DGKI: variants seen among roughly 807,000 people sequenced by gnomAD.
The protein encoded by DGKI is DAG kinase iota.
In DGKI, 55 loss-of-function variants were observed where a neutral mutation model predicts 147.5. The observed-to-expected ratio is 0.37, with a 90% CI of 0.30 to 0.47. The LOEUF (loss-of-function observed/expected upper bound fraction) is 0.47. DGKI is among the 20% of genes least tolerant of loss of function. The pLI, the probability that DGKI is intolerant of heterozygous loss-of-function variation, is 1.00. For synonymous variants in DGKI, 469 were observed against 477.1 expected (o/e 0.98, Z 0.22); for missense variants, 1,007 against 1,323.8 (o/e 0.76, Z 3.71).
At chr7:137,695,629 G>T (rs1184602240) in intron 1 of DGKI, among the ~76,000 whole-genome samples, 3 of 152,122 alleles carry the variant, frequency 2.0e-5, no homozygotes, top group Non-Finnish European at 4.4e-5. Context: ...TTGAATGGAG[G>T]CATCTAACTC....
At chr7:137,645,244 C>A (rs1025378612) in intron 6 of DGKI, among the ~76,000 whole-genome samples, 1 of 152,240 alleles carries the variant, frequency 6.6e-6, no homozygotes, top group African/African-American at 2.4e-5. Flanking sequence ...TGTAAGAATG[C>A]ATCCAGGTAT....
chr7:137,504,501 G>T (rs1245363872), intron 21 of DGKI, among the ~76,000 whole-genome samples: 2 of 152,038 alleles, frequency 1.3e-5, no homozygotes. Flanking sequence ...CTTCTGAAAA[G>T]AACAATAAAT....
At chr7:137,767,123 G>A (rs935873165) in intron 1 of DGKI, among the ~76,000 whole-genome samples, 4 of 152,094 alleles carry the variant, frequency 2.6e-5, no homozygotes, top group Admixed American at 6.6e-5. Context: ...GGCCACCCAC[G>A]GAAGTTATCC....
rs893696164 is a variant in DGKI at position 137,700,906 on chromosome 7, T to C, written c.402-10904A>G. ...ATAAATAAATAAATAAATAAATAAATAAATAAATAAATAAATAAAATAAAG... is the reference window on the plus strand; with the variant it reads ...ATAAATAAATAAATAAATAAATAAACAAATAAATAAATAAATAAAATAAAG... On this transcript the variant is annotated intron_variant, in intron 1 of 32. Coordinates refer to ENST00000614521, the MANE Select transcript of DGKI (RefSeq NM_001321708.2). Among the ~76,000 whole-genome samples, 195 of 142,444 alleles carry C rather than the reference T, an allele frequency of 1.4e-3. 1 individual carries two copies. The highest frequency in any genetic ancestry group is 4.6e-3 in the African/African-American group (186 of 40,408). 93.4% of individuals were successfully genotyped at this position (142,444 alleles called of 152,430 possible).
chr7:137,606,322 G>GA (rs997003701), intron 10 of DGKI, among the ~76,000 whole-genome samples: 18 of 149,642 alleles, frequency 1.2e-4, no homozygotes, highest in South Asian at 4.3e-4. Flanking sequence ...TAAAAAAAAA[G>GA]AAAAAAAAAG....
At chr7:137,446,934 A>G in intron 27 of DGKI, among the ~76,000 whole-genome samples, 1 of 152,180 alleles carries the variant, frequency 6.6e-6, no homozygotes. Flanking sequence ...ATGTGGTTGT[A>G]TCCCAGACTG....
At chr7:137,830,490 G>A (rs755897907) in intron 1 of DGKI, among the ~76,000 whole-genome samples, 26 of 152,334 alleles carry the variant, frequency 1.7e-4, no homozygotes, top group Non-Finnish European at 3.2e-4. Context: ...GGCACCATAT[G>A]TGCTAATGGT....
chr7:137,665,479 T>C (rs888590349), intron 3 of DGKI, among the ~76,000 whole-genome samples: 1 of 152,236 alleles, frequency 6.6e-6, no homozygotes, highest in East Asian at 1.9e-4. Context: ...TGCTCTATTA[T>C]GGTTGGAATT....
At chr7:137,597,778 G>C in intron 12 of DGKI, 69 bp downstream of exon 12, 1 of 1,441,616 alleles carries the variant, frequency 6.9e-7, no homozygotes. Flanking sequence ...CGAATAAAAA[G>C]AAGTGCCACA....
intron 28 of DGKI, among the ~76,000 whole-genome samples, chr7:137,424,665 A>T (rs1210327334): frequency 6.6e-6 from 1 of 152,192 alleles, no homozygotes; most frequent in Non-Finnish European, 1.5e-5. Context: ...GGCACCTGGA[A>T]AATCAGGTCA....
At chr7:137,723,580 C>T (rs1165450017) in intron 1 of DGKI, among the ~76,000 whole-genome samples, 5 of 150,898 alleles carry the variant, frequency 3.3e-5, no homozygotes, top group South Asian at 2.1e-4. Flanking sequence ...GCCTGGGAGA[C>T]GAGTCAAACA....
chr7:137,573,685 G>A (rs989168315), intron 17 of DGKI, among the ~76,000 whole-genome samples: 2 of 152,202 alleles, frequency 1.3e-5, no homozygotes, highest in African/African-American at 2.4e-5. Flanking sequence ...GATTATAGGC[G>A]TGAGCCACTG....
At chr7:137,750,121 G>A (rs756029959) in intron 1 of DGKI, among the ~76,000 whole-genome samples, 2 of 152,220 alleles carry the variant, frequency 1.3e-5, no homozygotes, top group Non-Finnish European at 2.9e-5. Flanking sequence ...GAAGAAGTGG[G>A]GAAACCAGAT....
rs753064365 is a variant in DGKI at position 137,693,583 on chromosome 7, C to T, written c.402-3581G>A. Among the ~76,000 whole-genome samples the T allele has an allele frequency of 3.3e-5, 5 of 152,256 alleles. No individual in the cohort carries two copies. In the South Asian group the frequency reaches 8.3e-4, roughly 25 times the overall value. On this transcript the variant is annotated intron_variant, in intron 1 of 32. Transcript: ENST00000614521. ...ATTTTCTTCACTTCATTCAATAAGA[C>T]TATAAACTCCTAAAGGACAGGGCTC...
Position 137,495,826 on chromosome 7 carries a change from T to C in DGKI, c.2249-8137A>G, listed in dbSNP as rs1054908450. ...ACATGCTTCAAAATAATAAGAGTCATCTATGATAAACCCATAAGCCAACAT... is the reference window on the plus strand; with the variant it reads ...ACATGCTTCAAAATAATAAGAGTCACCTATGATAAACCCATAAGCCAACAT... On this transcript the variant is annotated intron_variant, in intron 21 of 32. Coordinates refer to ENST00000614521, the MANE Select transcript of DGKI (RefSeq NM_001321708.2). Among the ~76,000 whole-genome samples the C allele has an allele frequency of 2.6e-5, 4 of 152,194 alleles. No individual in the cohort carries two copies. In the East Asian group the frequency reaches 7.7e-4, roughly 29 times the overall value.
chr7:137,769,301 A>T (rs1284335954), intron 1 of DGKI, among the ~76,000 whole-genome samples: 3 of 152,224 alleles, frequency 2.0e-5, no homozygotes, highest in African/African-American at 7.2e-5. Flanking sequence ...ATGTCCCTGA[A>T]AATTTGGAAC....
chr7:137,831,093 C>G (rs911603188), intron 1 of DGKI, among the ~76,000 whole-genome samples: 6 of 152,168 alleles, frequency 3.9e-5, no homozygotes, highest in African/African-American at 1.2e-4. Flanking sequence ...CAAAAACTCT[C>G]TAACAATTAG....
At chr7:137,812,124 C>T (rs1585522839) in intron 1 of DGKI, among the ~76,000 whole-genome samples, 2 of 152,282 alleles carry the variant, frequency 1.3e-5, no homozygotes, top group East Asian at 3.9e-4. Flanking sequence ...TCCATTCCCT[C>T]GGGCTTCCTG....
At chr7:137,593,924 T>C (rs1819702230) in intron 12 of DGKI, among the ~76,000 whole-genome samples, 1 of 152,228 alleles carries the variant, frequency 6.6e-6, no homozygotes, top group Admixed American at 6.5e-5. Context: ...CATTTCTTTG[T>C]AGATTCAGAA....
Sources: gnomAD v4.1 joint callset for allele counts (sites outside exome capture counted in the v4.1 genomes callset) on GRCh38, gnomAD v4.1.1 for gene constraint, MANE v1.5 for transcripts, NCBI Gene and HGNC (gene_info 2026-07-23, HGNC 2026-07-21) for gene names.